Variants in GABRR1 observed in about 807,000 individuals in gnomAD.
GABRR1 encodes gamma-aminobutyric acid receptor subunit rho-1.
Under a neutral mutation model 55.5 loss-of-function variants are expected in GABRR1, and 59 were observed. The observed-to-expected ratio is 1.06, with a 90% CI of 0.86 to 1.32. The LOEUF (loss-of-function observed/expected upper bound fraction) is 1.32, where lower values mean the gene tolerates loss of function less well. GABRR1 is among the 40% of genes most tolerant of loss of function. The probability of loss-of-function intolerance (pLI) is 0.00; values close to 1 mark genes in which losing one functional copy is unlikely to be tolerated. For missense variants in GABRR1, 602 were observed against 619.1 expected (o/e 0.97, Z 0.29); for synonymous variants, 213 against 226.0 (o/e 0.94, Z 0.51).
chr6:89,201,341 G>C (rs1463434129), intron 2 of GABRR1, 76 bp from the exon 3 acceptor site: 1 of 960,234 alleles, frequency 1.0e-6, no homozygotes, highest in East Asian at 2.4e-5. Flanking sequence ...ATTCTGACTT[G>C]ATCTTGATAG....
At chr6:89,203,304 C>T (rs1772537037) in intron 2 of GABRR1, 131 bp downstream of exon 2, 2 of 839,352 alleles carry the variant, frequency 2.4e-6, no homozygotes, top group Admixed American at 3.8e-5. Flanking sequence ...GGCTCCCCTT[C>T]CTCTGGTCCC....
At chr6:89,200,653 T>C (rs552337961) in intron 3 of GABRR1, among the ~76,000 whole-genome samples, 26 of 152,232 alleles carry the variant, frequency 1.7e-4, no homozygotes, top group African/African-American at 6.3e-4. Context: ...TGAAACCCAG[T>C]AGCTGCAGGC....
At chr6:89,205,141 A>AT (rs1327280093) in intron 1 of GABRR1, among the ~76,000 whole-genome samples, 3 of 152,168 alleles carry the variant, frequency 2.0e-5, no homozygotes, top group Admixed American at 6.5e-5. Flanking sequence ...AGGCCTCGTC[A>AT]TTATCCCCAT....
At position 89,217,184 on chromosome 6, in the gene GABRR1, C is replaced by T. The variant is rs1773012312; in HGVS notation, c.122+17G>A. ...ATCCTCTTTTCCTAAATCCTCTATCCCTAAATGTCCACTCACCTGCCTTTC... is the reference window on the plus strand; with the variant it reads ...ATCCTCTTTTCCTAAATCCTCTATCTCTAAATGTCCACTCACCTGCCTTTC... On this transcript the variant is annotated intron_variant, in intron 1 of 9. Coordinates refer to ENST00000454853, the MANE Select transcript of GABRR1 (RefSeq NM_002042.5). 3.1e-6 allele frequency: 5 copies of T among 1,613,116 alleles called. No homozygotes were observed. Among genetic ancestry groups the T allele is most frequent in the Non-Finnish European group, 4.2e-6 (5 of 1,179,600 alleles).
chr6:89,228,476 G>A lies in GABRR1; in HGVS notation c.-411+2740C>T, dbSNP rs200756565. On this transcript the variant is annotated intron_variant, in intron 1 of 11. Coordinates refer to the GABRR1 transcript ENST00000369451. ...TCTGGTATGTTGTGTCTTTGTTCTC[G>A]TTGGTTTCAAAGAACATCTTTATTT... is the stretch of plus-strand genomic sequence containing the variant. 2.5e-3 allele frequency among the ~76,000 whole-genome samples: 98 copies of A among 39,830 alleles called. 1 individual carries two copies. The highest frequency in any genetic ancestry group is 0.012 in the African/African-American group (92 of 7,770). 26.1% of individuals were successfully genotyped at this position (39,830 alleles called of 152,430 possible).
chr6:89,181,023 T>C (rs1184892510), intron 8 of GABRR1, among the ~76,000 whole-genome samples: 1 of 152,190 alleles, frequency 6.6e-6, no homozygotes, highest in East Asian at 1.9e-4. Flanking sequence ...ACTTGAGGAC[T>C]TGAGGGTCAA....
At chr6:89,206,546 G>A (rs144798315) in intron 1 of GABRR1, among the ~76,000 whole-genome samples, 38 of 151,796 alleles carry the variant, frequency 2.5e-4, no homozygotes, top group African/African-American at 6.8e-4. Flanking sequence ...TGTGCACACC[G>A]TGCTATTGTG....
intron 5 of GABRR1, among the ~76,000 whole-genome samples, chr6:89,193,558 A>G (rs1582385729): frequency 6.6e-6 from 1 of 152,224 alleles, no homozygotes; most frequent in African/African-American, 2.4e-5. Context: ...CCCTTCCTGC[A>G]CTCACATCCA....
intron 1 of GABRR1, among the ~76,000 whole-genome samples, chr6:89,230,848 A>T (rs1186901): frequency 1.3e-5 from 2 of 148,306 alleles, no homozygotes; most frequent in Non-Finnish European, 3.0e-5. Context: ...AATGGCGGGC[A>T]CCCCTCCCCC....
chr6:89,189,089 A>T (rs1344407925), intron 6 of GABRR1, among the ~76,000 whole-genome samples: 1 of 151,682 alleles, frequency 6.6e-6, no homozygotes. Flanking sequence ...AGGGCTTGGA[A>T]GGAGACCCAC....
At chr6:89,230,609 A>G (rs1256988519) in intron 1 of GABRR1, among the ~76,000 whole-genome samples, 2 of 152,142 alleles carry the variant, frequency 1.3e-5, no homozygotes, top group African/African-American at 4.8e-5. Context: ...TTGAGGAGGC[A>G]GTCTGCCGGT....
At chr6:89,182,423 T>C (rs1771758234) in intron 7 of GABRR1, among the ~76,000 whole-genome samples, 1 of 152,126 alleles carries the variant, frequency 6.6e-6, no homozygotes, top group South Asian at 2.1e-4. Flanking sequence ...CACCTCAGCC[T>C]CCCAAGTAGC....
At chr6:89,192,762 T>C (rs1178161897) in intron 5 of GABRR1, among the ~76,000 whole-genome samples, 2 of 152,106 alleles carry the variant, frequency 1.3e-5, no homozygotes, top group East Asian at 3.9e-4. Flanking sequence ...CGTTTTGCCA[T>C]ATTGGCCAGG....
intron 5 of GABRR1, among the ~76,000 whole-genome samples, chr6:89,192,420 A>T (rs1032262661): frequency 1.3e-5 from 2 of 152,146 alleles, no homozygotes; most frequent in Non-Finnish European, 2.9e-5. Context: ...CCCAAACTGC[A>T]GGCACACACA....
intron 2 of GABRR1, 130 bp from the exon 3 acceptor site, chr6:89,201,395 C>G: frequency 1.6e-6 from 1 of 628,826 alleles, no homozygotes; most frequent in Non-Finnish European, 2.9e-6. Flanking sequence ...TATTGGACAT[C>G]CCCTCTTTCT....
At position 89,187,342 on chromosome 6, in the gene GABRR1, T is replaced by C. The variant is rs138977902; in HGVS notation, c.656-1892A>G. ...TTGTATTTATGATGCATGATAAATA[T>C]AATTAAAATTATACTACATGAAAAT... On this transcript the variant is annotated intron_variant, in intron 6 of 9. Coordinates refer to ENST00000454853, the MANE Select transcript of GABRR1 (RefSeq NM_002042.5). Among the ~76,000 whole-genome samples, 231 of 152,270 alleles carry C rather than the reference T, an allele frequency of 1.5e-3. 2 individuals carry two copies. Among genetic ancestry groups the C allele is most frequent in the African/African-American group, 5.3e-3 (220 of 41,552 alleles).
intron 6 of GABRR1, among the ~76,000 whole-genome samples, chr6:89,186,496 T>A (rs1412135880): frequency 6.6e-6 from 1 of 152,204 alleles, no homozygotes; most frequent in African/African-American, 2.4e-5. Context: ...GCCCTGCAGA[T>A]GTGGGACTCT....
upstream of GABRR1, chr6:89,217,439 A>G: frequency 8.3e-7 from 1 of 1,209,616 alleles, no homozygotes. Flanking sequence ...ACTCATGCAA[A>G]AAAAAAATCA....
chr6:89,223,927 C>T (rs1773154712), intron 1 of GABRR1, among the ~76,000 whole-genome samples: 1 of 151,838 alleles, frequency 6.6e-6, no homozygotes, highest in Non-Finnish European at 1.5e-5. Context: ...CCATGCCCAG[C>T]TTATTTTTGT....
Sources: allele counts gnomAD v4.1 joint callset (sites outside exome capture counted in the v4.1 genomes callset), GRCh38; gene constraint gnomAD v4.1.1; transcripts MANE v1.5; gene names NCBI Gene and HGNC (gene_info 2026-07-23, HGNC 2026-07-21).